TSHR: variants seen among roughly 807,000 people sequenced by gnomAD.
TSHR encodes the protein thyrotropin receptor.
A neutral mutation model predicts 64.1 loss-of-function variants in TSHR; 51 were observed. The observed-to-expected ratio is 0.80, with a 90% CI of 0.64 to 1.01. The LOEUF (loss-of-function observed/expected upper bound fraction) is 1.01. Ranked by LOEUF, TSHR falls within the 50% of genes least tolerant of loss-of-function variation. The pLI is 0.00. For synonymous variants in TSHR, 361 were observed against 361.9 expected (o/e 1.00, Z 0.03); for missense variants, 877 against 942.8 (o/e 0.93, Z 0.91).
intron 1 of TSHR, among the ~76,000 whole-genome samples, chr14:81,038,514 A>G (rs1223049186): frequency 6.6e-6 from 1 of 151,580 alleles, no homozygotes; most frequent in African/African-American, 2.4e-5. Flanking sequence ...AGTGAAATAG[A>G]GGCTAAAAAA....
intron 8 of TSHR, among the ~76,000 whole-genome samples, chr14:81,133,571 T>C (rs1022944068): frequency 6.6e-6 from 1 of 152,226 alleles, no homozygotes. Context: ...CCCACTAAGC[T>C]GAAGAGGTTG....
intron 5 of TSHR, among the ~76,000 whole-genome samples, chr14:81,091,977 C>T (rs1405248322): frequency 6.6e-6 from 1 of 152,134 alleles, no homozygotes; most frequent in Non-Finnish European, 1.5e-5. Context: ...GCTTCAAACT[C>T]TTGGGGTTTT....
intron 8 of TSHR, among the ~76,000 whole-genome samples, chr14:81,129,515 A>C (rs1163462478): frequency 6.6e-6 from 1 of 152,146 alleles, no homozygotes; most frequent in Non-Finnish European, 1.5e-5. Flanking sequence ...TTCACCTTAA[A>C]TCATTCACCC....
In TSHR at chr14:80,955,671, C is replaced by T. The variant is rs948197890; in HGVS notation, c.-10C>T. ...GGAGGATGGAGAAATAGCCCCGAGT[C>T]CCGTGGAAAATGAGGCCGGCGGACT... is the stretch of plus-strand genomic sequence containing the variant. On this transcript the variant is annotated 5_prime_UTR_variant, in exon 1 of 10. Coordinates refer to ENST00000298171, the MANE Select transcript of TSHR (RefSeq NM_000369.5). 4.3e-6 allele frequency: 7 copies of T among 1,613,640 alleles called. No individual in the cohort carries two copies. The highest frequency in any genetic ancestry group is 5.9e-6 in the Non-Finnish European group (7 of 1,179,936).
At chr14:80,982,775 C>G in intron 1 of TSHR, 1 of 597,082 alleles carries the variant, frequency 1.7e-6, no homozygotes. Context: ...CCTGTGGCAA[C>G]AGCCTGCCCT....
intron 2 of TSHR, among the ~76,000 whole-genome samples, chr14:81,063,332 G>A (rs1007222586): frequency 6.6e-6 from 1 of 151,630 alleles, no homozygotes; most frequent in African/African-American, 2.4e-5. Flanking sequence ...TGTATATTTT[G>A]TTCTAATTCC....
chr14:81,026,471 T>C (rs1270458097), intron 1 of TSHR, among the ~76,000 whole-genome samples: 1 of 152,064 alleles, frequency 6.6e-6, no homozygotes, highest in Non-Finnish European at 1.5e-5. Flanking sequence ...CCTATTTACA[T>C]AAAGAAGCAA....
At chr14:81,027,654 G>A (rs772514092) in intron 1 of TSHR, among the ~76,000 whole-genome samples, 1 of 152,040 alleles carries the variant, frequency 6.6e-6, no homozygotes, top group Non-Finnish European at 1.5e-5. Flanking sequence ...TTTTTCAAAT[G>A]TGTAAAACGT....
At chr14:81,025,217 T>C (rs1396861227) in intron 1 of TSHR, among the ~76,000 whole-genome samples, 2 of 152,222 alleles carry the variant, frequency 1.3e-5, no homozygotes, top group African/African-American at 4.8e-5. Context: ...TAGATTTGTA[T>C]GTATTTTATC....
intron 1 of TSHR, 121 bp from the exon 2 acceptor site, chr14:81,062,027 G>C: frequency 2.4e-6 from 2 of 817,832 alleles, no homozygotes. Flanking sequence ...TGTTGATTAT[G>C]TATCAGCCAA....
chr14:81,000,211 C>T (rs899083657), intron 1 of TSHR, among the ~76,000 whole-genome samples: 1 of 151,640 alleles, frequency 6.6e-6, no homozygotes, highest in Admixed American at 6.6e-5. Flanking sequence ...GGATTACAGG[C>T]GTGAGCCACC....
chr14:81,092,228 C>A (rs781330570), intron 5 of TSHR, among the ~76,000 whole-genome samples: 1 of 152,090 alleles, frequency 6.6e-6, no homozygotes, highest in East Asian at 1.9e-4. Flanking sequence ...GTTGCAGATT[C>A]GGGAGAAGCC....
At chr14:81,032,567 T>C in intron 1 of TSHR, 1 of 439,500 alleles carries the variant, frequency 2.3e-6, no homozygotes, top group Non-Finnish European at 4.5e-6. Flanking sequence ...TTCTCCTTGC[T>C]TGTGGCTCCT....
chr14:81,091,626 T>C (rs184941238), intron 5 of TSHR, among the ~76,000 whole-genome samples: 14 of 152,384 alleles, frequency 9.2e-5, no homozygotes, highest in African/African-American at 3.1e-4. Flanking sequence ...TTATTTTTCA[T>C]AGAGTTTTAA....
At position 81,140,753 on chromosome 14, in the gene TSHR, A is replaced by G. The variant is rs1300067292; in HGVS notation, c.881+886A>G. 4.6e-5 allele frequency among the ~76,000 whole-genome samples: 7 copies of G among 152,252 alleles called. No homozygotes were observed. The East Asian group carries it at 1.4e-3, about 29-fold the overall frequency. On this transcript the variant is annotated intron_variant, in intron 9 of 9. Coordinates refer to ENST00000298171, the MANE Select transcript of TSHR (RefSeq NM_000369.5). The stretch of plus-strand genomic sequence containing the variant: ...CTATGTATTTAGTGATTGACTTACT[A>G]CACACATAATTGCAGTCAGGAAAAT...
intron 1 of TSHR, among the ~76,000 whole-genome samples, chr14:81,058,844 C>T (rs1298191742): frequency 6.6e-6 from 1 of 152,054 alleles, no homozygotes; most frequent in Non-Finnish European, 1.5e-5. Context: ...CTTTCATTTG[C>T]ATTTAAAGCA....
chr14:81,010,484 T>C (rs28410258), intron 1 of TSHR, among the ~76,000 whole-genome samples: 15,442 of 151,872 alleles, frequency 0.1, 2,531 homozygotes, highest in African/African-American at 0.35. Context: ...TAGTTTTTGT[T>C]TTTCTTTTTT....
intron 1 of TSHR, among the ~76,000 whole-genome samples, chr14:81,019,203 G>A (rs1456259868): frequency 1.3e-5 from 2 of 151,794 alleles, no homozygotes; most frequent in African/African-American, 2.4e-5. Flanking sequence ...GCTTGGTGGC[G>A]GGCACCTGTA....
intron 1 of TSHR, among the ~76,000 whole-genome samples, chr14:81,022,954 C>T (rs1883851165): frequency 6.6e-6 from 1 of 152,172 alleles, no homozygotes; most frequent in Non-Finnish European, 1.5e-5. Flanking sequence ...CTCCTTCTGC[C>T]ATCTAAGGAC....
Sources: gnomAD v4.1 joint callset for allele counts (sites outside exome capture counted in the v4.1 genomes callset) on GRCh38, gnomAD v4.1.1 for gene constraint, MANE v1.5 for transcripts, NCBI Gene and HGNC (gene_info 2026-07-23, HGNC 2026-07-21) for gene names.